Variants in DCLK1 observed in about 807,000 individuals in gnomAD.
DCLK1 encodes doublecortin like kinase 1, also known as serine/threonine-protein kinase DCLK1.
DCLK1 carries 16 observed loss-of-function variants against 86.2 expected under a neutral mutation model. That is an observed-to-expected ratio of 0.19 (90% confidence interval 0.13 to 0.28). The LOEUF (loss-of-function observed/expected upper bound fraction) is 0.28. DCLK1 is among the 10% of genes least tolerant of loss of function. The pLI is 1.00. For synonymous variants in DCLK1, 369 were observed against 370.5 expected (o/e 1.00, Z 0.05); for missense variants, 590 against 940.2 (o/e 0.63, Z 4.87).
intron 4 of DCLK1, among the ~76,000 whole-genome samples, chr13:35,940,604 G>T (rs183445643): frequency 6.6e-6 from 1 of 152,076 alleles, no homozygotes; most frequent in East Asian, 1.9e-4. Flanking sequence ...ACATGGGCAC[G>T]GAGAGAGGGA....
intron 5 of DCLK1, among the ~76,000 whole-genome samples, chr13:35,867,800 T>C (rs943089576): frequency 6.7e-6 from 1 of 149,576 alleles, no homozygotes; most frequent in Non-Finnish European, 1.5e-5. Flanking sequence ...TTCTTTAACA[T>C]GTACGCAAGA....
intron 3 of DCLK1, among the ~76,000 whole-genome samples, chr13:35,963,311 T>A (rs891678337): frequency 1.3e-5 from 2 of 152,200 alleles, no homozygotes; most frequent in South Asian, 2.1e-4. Context: ...AAAAACCAAA[T>A]GCATCAGGAG....
chr13:35,812,534 T>A (rs1039821499), intron 11 of DCLK1, among the ~76,000 whole-genome samples: 6 of 152,176 alleles, frequency 3.9e-5, no homozygotes, highest in African/African-American at 1.4e-4. Context: ...TTGGAAAAAG[T>A]AGATTAACTT....
intron 4 of DCLK1, among the ~76,000 whole-genome samples, chr13:35,913,979 A>G (rs1875210104): frequency 6.6e-6 from 1 of 152,212 alleles, no homozygotes; most frequent in East Asian, 1.9e-4. Flanking sequence ...CAATTTGGTT[A>G]TGTCAGTTAG....
intron 3 of DCLK1, among the ~76,000 whole-genome samples, chr13:36,031,881 T>C (rs1330719058): frequency 6.6e-6 from 1 of 152,172 alleles, no homozygotes; most frequent in Non-Finnish European, 1.5e-5. Context: ...AGATCCCTGC[T>C]AGGCCCCACC....
At chr13:36,092,661 T>C (rs1396329357) in intron 3 of DCLK1, among the ~76,000 whole-genome samples, 17 of 151,400 alleles carry the variant, frequency 1.1e-4, no homozygotes, top group South Asian at 4.2e-4. Flanking sequence ...TAATTTTTTG[T>C]ATTTTTAGTA....
At chr13:35,894,758 G>C (rs186114344) in intron 4 of DCLK1, among the ~76,000 whole-genome samples, 2 of 152,144 alleles carry the variant, frequency 1.3e-5, no homozygotes, top group African/African-American at 4.8e-5. Context: ...GTGTAGGCAC[G>C]AGGAGCAGAG....
In DCLK1 at chr13:35,772,256, A is replaced by T. The variant is rs1416906130; in HGVS notation, c.*2279T>A. On this transcript the variant is annotated 3_prime_UTR_variant, in exon 17 of 17. Coordinates refer to ENST00000360631, the MANE Select transcript of DCLK1 (RefSeq NM_001330071.2). ...GCTTCACACGGTCCAGAGTCCCCCTAGACGTCGATGGGAAAAGGCCTGAGC... is the reference window on the plus strand; with the variant it reads ...GCTTCACACGGTCCAGAGTCCCCCTTGACGTCGATGGGAAAAGGCCTGAGC... The T allele has an allele frequency of 1.3e-5, 2 of 152,162 alleles. No homozygotes were observed. Among genetic ancestry groups the T allele is most frequent in the Non-Finnish European group, 2.9e-5 (2 of 68,064 alleles). The allele number at this position is 152,162 out of a possible 1,614,324, so 9.4% of individuals were successfully genotyped here.
chr13:35,817,682 G>A (rs1179193211), intron 11 of DCLK1, among the ~76,000 whole-genome samples: 1 of 152,110 alleles, frequency 6.6e-6, no homozygotes, highest in East Asian at 1.9e-4. Flanking sequence ...GGCCCAGACA[G>A]AATGTGTTCA....
chr13:36,029,070 G>A (rs895921865), intron 3 of DCLK1, among the ~76,000 whole-genome samples: 14 of 152,166 alleles, frequency 9.2e-5, no homozygotes, highest in African/African-American at 3.1e-4. Flanking sequence ...CCATGCTTTT[G>A]TTTCTTTATT....
intron 4 of DCLK1, among the ~76,000 whole-genome samples, chr13:35,944,821 G>T (rs529452386): frequency 2.0e-5 from 3 of 151,378 alleles, no homozygotes; most frequent in African/African-American, 7.3e-5. Flanking sequence ...GGTGTCCTGG[G>T]GTGTGTGTGT....
At chr13:35,834,018 C>T (rs914486177) in intron 8 of DCLK1, among the ~76,000 whole-genome samples, 4 of 152,160 alleles carry the variant, frequency 2.6e-5, no homozygotes. Flanking sequence ...AAGGCCAGTC[C>T]TGTTGGACCA....
In DCLK1 at chr13:35,980,798, C is replaced by A. The variant is rs562753391; in HGVS notation, c.724-33341G>T. Among the ~76,000 whole-genome samples the A allele has an allele frequency of 3.7e-4, 56 of 152,234 alleles. No individual in the cohort carries two copies. In the South Asian group the frequency reaches 0.011, roughly 31 times the overall value. On this transcript the variant is annotated intron_variant, in intron 3 of 16. Coordinates refer to ENST00000360631, the MANE Select transcript of DCLK1 (RefSeq NM_001330071.2). ...CATCCTGCTGTCACCTCTTGCTGTG[C>A]AGCCCAGTACTTCTTCTTTTTTTTT...
In DCLK1 at chr13:36,111,863, T is replaced by C. The variant is rs1457366790; in HGVS notation, c.723+6A>G. The C allele has an allele frequency of 6.2e-7, 1 of 1,607,660 alleles. No individual in the cohort carries two copies. The highest frequency in any genetic ancestry group is 1.1e-5 in the South Asian group (1 of 90,766). On this transcript the variant is annotated splice_donor_region_variant and intron_variant, in intron 3 of 16. Coordinates refer to ENST00000360631, the MANE Select transcript of DCLK1 (RefSeq NM_001330071.2). ...AGTCAAAGTCACATCACAATATGTC[T>C]CTTACCTGTTTCCCATCCAACGTGT...
intron 6 of DCLK1, chr13:35,849,867 A>C: frequency 1.8e-6 from 1 of 544,464 alleles, no homozygotes; most frequent in Non-Finnish European, 2.3e-6. Context: ...GTCTGTATGG[A>C]AAAAAAAAAA....
intron 3 of DCLK1, among the ~76,000 whole-genome samples, chr13:36,025,754 G>A (rs1882008861): frequency 6.6e-6 from 1 of 152,172 alleles, no homozygotes; most frequent in African/African-American, 2.4e-5. Context: ...GGGAGAGAAA[G>A]ATGGGACAGC....
chr13:35,958,230 A>AT (rs1878217409), intron 3 of DCLK1, among the ~76,000 whole-genome samples: 1 of 151,850 alleles, frequency 6.6e-6, no homozygotes, highest in Non-Finnish European at 1.5e-5. Flanking sequence ...CACCACTATA[A>AT]CCACCATCAT....
chr13:36,023,330 A>G (rs1475214009), intron 3 of DCLK1, among the ~76,000 whole-genome samples: 1 of 152,204 alleles, frequency 6.6e-6, no homozygotes. Flanking sequence ...TGTCTATTCC[A>G]AAGGCTGGTA....
chr13:36,125,747 T>C lies in DCLK1; in HGVS notation c.376+15A>G. ...AACCTGTAGGGTCACGTGGGGGTTA[T>C]CTCACAGCGCTCACCTTCCACCAGT... On this transcript the variant is annotated intron_variant, in intron 2 of 16. Coordinates refer to ENST00000360631, the MANE Select transcript of DCLK1 (RefSeq NM_001330071.2). The C allele has an allele frequency of 6.2e-7, 1 of 1,605,482 alleles. No individual in the cohort carries two copies. The highest frequency in any genetic ancestry group is 8.5e-7 in the Non-Finnish European group (1 of 1,174,766).
Sources: allele counts gnomAD v4.1 joint callset (sites outside exome capture counted in the v4.1 genomes callset), GRCh38; gene constraint gnomAD v4.1.1; transcripts MANE v1.5; gene names NCBI Gene and HGNC (gene_info 2026-07-23, HGNC 2026-07-21).